NBAS: variants seen among roughly 807,000 people sequenced by gnomAD.
NBAS encodes NBAS subunit of NRZ tethering complex, also known as NAG/BC035112 fusion.
NBAS carries 219 observed loss-of-function variants against 302.5 expected under a neutral mutation model. The ratio of observed to expected loss-of-function variants is 0.72; its 90% CI spans 0.65 to 0.81. NBAS has a LOEUF of 0.81. NBAS is among the 30% of genes least tolerant of loss of function. NBAS has a pLI of 0.00. For synonymous variants in NBAS, 1,118 were observed against 1,021.6 expected, an observed-to-expected ratio of 1.09 and a Z score of -1.80; for missense variants, 2,932 against 2,841.6, an observed-to-expected ratio of 1.03 and a Z score of -0.72.
intron 21 of NBAS, among the ~76,000 whole-genome samples, chr2:15,456,949 A>G (rs551549051): frequency 7.9e-5 from 12 of 152,338 alleles, no homozygotes; most frequent in South Asian, 6.2e-4. Context: ...AGTGAAGCTT[A>G]TATGAAAAAT....
In NBAS at chr2:15,551,376, A is replaced by G. The variant is rs542679095; in HGVS notation, c.379+117T>C. ...AAAAGCAGTTTTTAAAAATTATTTT[A>G]ATAGTCATGATAATCCTTGTTAATA... On this transcript the variant is annotated intron_variant, in intron 6 of 51. Transcript: ENST00000281513. 139 of 621,864 alleles carry G rather than the reference A, an allele frequency of 2.2e-4. No individual in the cohort carries two copies. In the African/African-American group the frequency reaches 2.3e-3, roughly 10 times the overall value. The allele number at this position is 621,864 out of a possible 1,614,324, so 38.5% of individuals were successfully genotyped here. A position where few individuals can be genotyped will look rare whatever the true frequency, so the allele number is the denominator to read the frequency against.
At chr2:14,987,512 G>A in the NBAS span, among the ~76,000 whole-genome samples, 1 of 151,656 alleles carries the variant, frequency 6.6e-6, no homozygotes, top group Non-Finnish European at 1.5e-5. Context: ...AGACTATAGG[G>A]TTGGAAGGTA....
intron 28 of NBAS, among the ~76,000 whole-genome samples, chr2:15,387,080 T>C (rs1675335003): frequency 1.0e-5 from 1 of 96,822 alleles, no homozygotes; most frequent in East Asian, 2.1e-4. Context: ...TTATAAAGTA[T>C]TAATTTTTTT....
At chr2:14,917,555 G>C in the NBAS span, among the ~76,000 whole-genome samples, 4 of 152,222 alleles carry the variant, frequency 2.6e-5, no homozygotes, top group Non-Finnish European at 5.9e-5. Flanking sequence ...GAATTAGAAG[G>C]TGTTAATACC....
At chr2:15,080,869 T>G in the NBAS span, among the ~76,000 whole-genome samples, 1 of 152,198 alleles carries the variant, frequency 6.6e-6, no homozygotes, top group Non-Finnish European at 1.5e-5. Flanking sequence ...AGCTTTCAAT[T>G]TCTTAGGAGC....
chr2:15,551,612 A>T, intron 5 of NBAS, 76 bp from the exon 6 acceptor site: 1 of 1,097,406 alleles, frequency 9.1e-7, no homozygotes, highest in Non-Finnish European at 1.4e-6. Flanking sequence ...GATACTGTGG[A>T]CTAGACAGCC....
At chr2:14,882,840 A>G in the NBAS span, among the ~76,000 whole-genome samples, 1 of 152,186 alleles carries the variant, frequency 6.6e-6, no homozygotes, top group Non-Finnish European at 1.5e-5. Flanking sequence ...TTTGTTAATG[A>G]TCGTGTCAAA....
chr2:15,333,646 A>T (rs1309843758), intron 35 of NBAS, among the ~76,000 whole-genome samples: 1 of 152,110 alleles, frequency 6.6e-6, no homozygotes, highest in African/African-American at 2.4e-5. Flanking sequence ...ATCCTAATTC[A>T]TATAAATGTA....
chr2:14,804,851 G>A, the NBAS span, among the ~76,000 whole-genome samples: 1 of 152,190 alleles, frequency 6.6e-6, no homozygotes, highest in African/African-American at 2.4e-5. Flanking sequence ...TAGATAGTTA[G>A]AAATAAGAAC....
intron 47 of NBAS, among the ~76,000 whole-genome samples, chr2:15,222,597 C>T (rs1572476488): frequency 1.3e-5 from 2 of 152,172 alleles, no homozygotes; most frequent in South Asian, 4.1e-4. Context: ...CTGTTATCAT[C>T]TCCAATTTGT....
Position 15,458,040 on chromosome 2 carries a change from A to G in NBAS, c.2339+3161T>C, listed in dbSNP as rs150019978. On this transcript the variant is annotated intron_variant, in intron 21 of 51. Transcript: ENST00000281513. ...AGAGGACCTAATTTATGCAGTCAGC[A>G]AATATTTTCAGTATACTCACTATAC... Among the ~76,000 whole-genome samples the G allele has an allele frequency of 4.7e-3, 722 of 152,274 alleles. 8 individuals carry two copies. The highest frequency in any genetic ancestry group is 0.016 in the African/African-American group (671 of 41,560).
intron 51 of NBAS, among the ~76,000 whole-genome samples, chr2:15,178,356 G>A (rs772727529): frequency 7.2e-5 from 11 of 152,238 alleles, no homozygotes; most frequent in Non-Finnish European, 1.2e-4. Context: ...ACATGAGTTC[G>A]TTAAAACACA....
At chr2:15,132,494 A>G in the NBAS span, among the ~76,000 whole-genome samples, 1 of 152,230 alleles carries the variant, frequency 6.6e-6, no homozygotes, top group Non-Finnish European at 1.5e-5. Context: ...GTGTGACATT[A>G]TAACAGTGGA....
the NBAS span, among the ~76,000 whole-genome samples, chr2:15,061,132 G>A: frequency 7.2e-5 from 11 of 152,340 alleles, no homozygotes; most frequent in African/African-American, 2.6e-4. Context: ...AGGGAATTTG[G>A]AAGCAGAGAC....
At chr2:15,356,865 A>C (rs1673645235) in intron 32 of NBAS, among the ~76,000 whole-genome samples, 1 of 152,228 alleles carries the variant, frequency 6.6e-6, no homozygotes, top group African/African-American at 2.4e-5. Flanking sequence ...TAGAAATTGG[A>C]ATGCAAATGC....
chr2:15,473,143 A>G (rs1680027619), intron 16 of NBAS, 79 bp downstream of exon 16: 2 of 1,487,814 alleles, frequency 1.3e-6, no homozygotes, highest in Non-Finnish European at 1.9e-6. Context: ...AATGTAAAGT[A>G]CTCTAAAATG....
chr2:15,442,020 A>G (rs1678444843), intron 21 of NBAS, among the ~76,000 whole-genome samples: 1 of 139,430 alleles, frequency 7.2e-6, no homozygotes, highest in Non-Finnish European at 1.6e-5. Context: ...GTCCTGAGTG[A>G]CCTACAAAGA....
the NBAS span, among the ~76,000 whole-genome samples, chr2:14,843,909 C>A: frequency 6.6e-6 from 1 of 152,032 alleles, no homozygotes; most frequent in African/African-American, 2.4e-5. Flanking sequence ...TCCATCTCAG[C>A]GGTCGGAACT....
chr2:15,501,650 C>G (rs1016124542), intron 11 of NBAS, among the ~76,000 whole-genome samples: 1 of 133,966 alleles, frequency 7.5e-6, no homozygotes, highest in African/African-American at 2.8e-5. Context: ...AGTGCAGTGG[C>G]AGGATCTCGG....
Sources: allele counts gnomAD v4.1 joint callset (sites outside exome capture counted in the v4.1 genomes callset), GRCh38; gene constraint gnomAD v4.1.1; transcripts MANE v1.5; gene names NCBI Gene and HGNC (gene_info 2026-07-23, HGNC 2026-07-21).